Variants in OR2I1 observed in about 807,000 individuals in gnomAD.
OR2I1 encodes the protein olfactory receptor family 2 subfamily I member 1 (gene/pseudogene).
At chr6:29,551,511 T>C in the OR2I1 span, among the ~76,000 whole-genome samples, 2 of 152,364 alleles carry the variant, frequency 1.3e-5, no homozygotes, top group Non-Finnish European at 2.9e-5. Context: ...AATATTCAAG[T>C]GAGTTAAGAT....
the OR2I1 span, chr6:29,555,814 T>C: frequency 1.5e-6 from 2 of 1,291,602 alleles, no homozygotes; most frequent in Non-Finnish European, 2.2e-6. Flanking sequence ...GAAGATGTGT[T>C]CGTTGAGTAA....
chr6:29,556,346 T>C, the OR2I1 span: 8 of 1,609,304 alleles, frequency 5.0e-6, no homozygotes, highest in African/African-American at 5.4e-5. Flanking sequence ...GGAACGGACA[T>C]GCACCTGGGA....
the OR2I1 span, among the ~76,000 whole-genome samples, chr6:29,551,628 C>G: frequency 6.6e-6 from 1 of 152,262 alleles, no homozygotes; most frequent in African/African-American, 2.4e-5. Context: ...ACAGATATGA[C>G]GATAGTTAGC....
chr6:29,553,395 C>T, the OR2I1 span: 1 of 399,020 alleles, frequency 2.5e-6, no homozygotes, highest in African/African-American at 2.1e-5. Flanking sequence ...CGCCCATGTA[C>T]TACTTCCTCT....
the OR2I1 span, chr6:29,556,010 GTCTTAGTCTCGA>G: frequency 6.2e-7 from 1 of 1,613,046 alleles, no homozygotes; most frequent in Non-Finnish European, 8.5e-7. Context: ...GATTATACCC[GTCTTAGTCTCGA>G]TCATTGCTTT....
At chr6:29,557,290 C>G in the OR2I1 span, 2 of 152,176 alleles carry the variant, frequency 1.3e-5, no homozygotes, top group East Asian at 1.9e-4. Flanking sequence ...TGTTGGGGAA[C>G]ACAGGCTAAC....
At chr6:29,554,054 CCGTGG>C in the OR2I1 span, 1 of 398,944 alleles carries the variant, frequency 2.5e-6, no homozygotes, top group Non-Finnish European at 4.4e-6. Flanking sequence ...CTCTTCTACA[CCGTGG>C]TCACACCTGC....
the OR2I1 span, chr6:29,555,899 C>A: frequency 6.8e-5 from 109 of 1,612,878 alleles, no homozygotes; most frequent in African/African-American, 1.1e-3. Flanking sequence ...AATACAATAA[C>A]ATGCCAGGAA....
At chr6:29,556,085 T>C in the OR2I1 span, 1 of 1,613,098 alleles carries the variant, frequency 6.2e-7, no homozygotes, top group Non-Finnish European at 8.5e-7. Context: ...CCTCTTTGCC[T>C]CATCACCTGA....
At chr6:29,554,202 C>G in the OR2I1 span, 6 of 398,530 alleles carry the variant, frequency 1.5e-5, no homozygotes, top group Non-Finnish European at 1.8e-5. Context: ...AAGCCAGAAC[C>G]CAAGGATGGA....
chr6:29,554,611 C>T, the OR2I1 span: 70 of 154,244 alleles, frequency 4.5e-4, 4 homozygotes, highest in East Asian at 5.2e-3. Context: ...GCAGACCTGG[C>T]CAGATGACCA....
the OR2I1 span, among the ~76,000 whole-genome samples, chr6:29,552,082 T>C: frequency 6.6e-6 from 1 of 152,250 alleles, no homozygotes; most frequent in African/African-American, 2.4e-5. Flanking sequence ...TAAACTTTCA[T>C]CCATTACATA....
the OR2I1 span, among the ~76,000 whole-genome samples, chr6:29,551,248 C>T: frequency 2.0e-5 from 3 of 152,190 alleles, no homozygotes; most frequent in Non-Finnish European, 4.4e-5. Context: ...AATGTCACCT[C>T]TCCTACTTTA....
chr6:29,554,370 G>A, the OR2I1 span: 3 of 386,736 alleles, frequency 7.8e-6, no homozygotes, highest in East Asian at 1.1e-4. Flanking sequence ...ATATACTCAG[G>A]TTTAGGGAAG....
the OR2I1 span, chr6:29,556,628 C>G: frequency 2.2e-6 from 1 of 450,674 alleles, no homozygotes; most frequent in African/African-American, 2.0e-5. Context: ...AACGGACGCT[C>G]TTTTGCTCAG....
At chr6:29,557,460 A>G in the OR2I1 span, 4 of 152,184 alleles carry the variant, frequency 2.6e-5, no homozygotes, top group Non-Finnish European at 4.4e-5. Flanking sequence ...TCACCTTTTC[A>G]TGTATAAGGC....
chr6:29,556,235 T>C, the OR2I1 span: 1 of 1,613,104 alleles, frequency 6.2e-7, no homozygotes, highest in Non-Finnish European at 8.5e-7. Context: ...CAAAAGAACC[T>C]GGTCCTGCAC....
the OR2I1 span, chr6:29,553,564 G>A: frequency 2.5e-6 from 1 of 398,444 alleles, no homozygotes; most frequent in Admixed American, 4.4e-5. Flanking sequence ...CCTCCTGGCG[G>A]TGATGGCTCT....
chr6:29,554,150 G>C, the OR2I1 span: 115 of 399,226 alleles, frequency 2.9e-4, no homozygotes, highest in African/African-American at 2.3e-3. Flanking sequence ...CTGGGGAGAG[G>C]CCAGGCTGGG....
Sources: gnomAD v4.1 joint callset for allele counts (sites outside exome capture counted in the v4.1 genomes callset) on GRCh38, gnomAD v4.1.1 for gene constraint, MANE v1.5 for transcripts, NCBI Gene and HGNC (gene_info 2026-07-23, HGNC 2026-07-21) for gene names.